KIF6: variants seen among roughly 807,000 people sequenced by gnomAD.
KIF6 encodes the protein kinesin family member 6.
A neutral mutation model predicts 112.7 loss-of-function variants in KIF6; 106 were observed. The observed-to-expected ratio is 0.94, with a 90% confidence interval of 0.80 to 1.11. The LOEUF (loss-of-function observed/expected upper bound fraction) is 1.11, where lower values mean the gene tolerates loss of function less well. Ranked by LOEUF, KIF6 falls within the 50% of genes least tolerant of loss-of-function variation. The pLI is 0.00. For synonymous variants in KIF6, 339 were observed against 339.9 expected (o/e 1.00, Z 0.03); for missense variants, 929 against 964.0 (o/e 0.96, Z 0.48).
chr6:39,691,132 C>T (rs772892243), intron 3 of KIF6: 1 of 152,084 alleles, frequency 6.6e-6, no homozygotes, highest in Non-Finnish European at 1.5e-5. Context: ...TCTGGCAACC[C>T]TGGTTGGAAC....
intron 19 of KIF6, among the ~76,000 whole-genome samples, chr6:39,346,924 C>T (rs1581635134): frequency 6.6e-6 from 1 of 152,344 alleles, no homozygotes; most frequent in South Asian, 2.1e-4. Context: ...GCTGGGATTA[C>T]AGGCGTGAGC....
chr6:39,549,103 C>A (rs2150575610), intron 10 of KIF6, among the ~76,000 whole-genome samples: 1 of 152,264 alleles, frequency 6.6e-6, no homozygotes, highest in South Asian at 2.1e-4. Flanking sequence ...CCTGGTTCAG[C>A]AACTCCATCA....
Position 39,431,046 on chromosome 6 carries a change from G to A in KIF6, c.1754+7C>T. Reference sequence around the variant, plus strand: ...GGAGGACCAGCTGCTCTCTGAGACAGCCTTACCTCTGTTTCAGAATCTGTT... The same window carrying A: ...GGAGGACCAGCTGCTCTCTGAGACAACCTTACCTCTGTTTCAGAATCTGTT... On this transcript the variant is annotated splice_region_variant and intron_variant, in intron 14 of 22. Transcript: ENST00000287152. 3 of 1,588,636 alleles carry A rather than the reference G, an allele frequency of 1.9e-6. No homozygotes were observed. The highest frequency in any genetic ancestry group is 2.6e-6 in the Non-Finnish European group (3 of 1,157,596).
intron 9 of KIF6, among the ~76,000 whole-genome samples, chr6:39,581,375 C>T (rs1258390636): frequency 2.0e-5 from 3 of 151,792 alleles, no homozygotes; most frequent in African/African-American, 4.8e-5. Context: ...ACCATGTTGG[C>T]CATGCACCTG....
intron 10 of KIF6, among the ~76,000 whole-genome samples, chr6:39,562,652 A>G (rs10484824): frequency 0.13 from 19,512 of 152,254 alleles, 1,356 homozygotes; most frequent in Middle Eastern, 0.23. Context: ...CTGACTATGC[A>G]TCTAGTTAGC....
At chr6:39,584,440 A>C (rs754914350) in intron 9 of KIF6, among the ~76,000 whole-genome samples, 10,420 of 137,034 alleles carry the variant, frequency 0.076, 1,289 homozygotes, top group East Asian at 0.29. Flanking sequence ...AAAAAAAAAA[A>C]AAAAAAAAAA....
chr6:39,430,147 G>A (rs565905857), intron 14 of KIF6, among the ~76,000 whole-genome samples: 34 of 151,784 alleles, frequency 2.2e-4, no homozygotes, highest in Non-Finnish European at 4.1e-4. Context: ...CTCCTGGTTC[G>A]CCCCCTCTTC....
chr6:39,514,116 C>T (rs1165501906), intron 13 of KIF6, among the ~76,000 whole-genome samples: 9 of 151,984 alleles, frequency 5.9e-5, no homozygotes, highest in African/African-American at 2.2e-4. Flanking sequence ...ACATAAGAAC[C>T]CCAATTTCAT....
intron 16 of KIF6, among the ~76,000 whole-genome samples, chr6:39,383,258 G>C (rs976906561): frequency 6.6e-6 from 1 of 152,132 alleles, no homozygotes; most frequent in South Asian, 2.1e-4. Flanking sequence ...GTCTAGAAAA[G>C]TATATCCTAG....
chr6:39,593,083 C>T lies in KIF6; in HGVS notation c.846+2971G>A, dbSNP rs114991018. On this transcript the variant is annotated intron_variant, in intron 7 of 22. Transcript: ENST00000287152. ...ATATTGCTAAGTATTTATTTGTATGCTTTGCTGTTCTGCTGGCTAACATGA... is the reference window on the plus strand; with the variant it reads ...ATATTGCTAAGTATTTATTTGTATGTTTTGCTGTTCTGCTGGCTAACATGA... 9.4e-3 allele frequency among the ~76,000 whole-genome samples: 1,426 copies of T among 152,252 alleles called. 6 individuals are homozygous for T. The highest frequency in any genetic ancestry group is 0.014 in the Non-Finnish European group (958 of 68,016).
chr6:39,717,641 C>T (rs1181985198), intron 2 of KIF6, among the ~76,000 whole-genome samples: 4 of 152,118 alleles, frequency 2.6e-5, no homozygotes, highest in African/African-American at 9.7e-5. Flanking sequence ...TATCTCCTCC[C>T]ACTAAAATGT....
rs545241969 is a variant in KIF6 at position 39,346,649 on chromosome 6, T to C, written c.2181-123A>G. 7.5e-6 allele frequency: 4 copies of C among 536,104 alleles called. No individual in the cohort carries two copies. The East Asian group carries it at 1.2e-4, about 16-fold the overall frequency. 33.2% of individuals were successfully genotyped at this position (536,104 alleles called of 1,614,324 possible). ...TGGATGGTTTACACAGTAATTTTCTTTTTTTCTTTTTTTTTGAGATGGAGT... is the reference window on the plus strand; with the variant it reads ...TGGATGGTTTACACAGTAATTTTCTCTTTTTCTTTTTTTTTGAGATGGAGT... On this transcript the variant is annotated intron_variant, in intron 19 of 22. Coordinates refer to ENST00000287152, the MANE Select transcript of KIF6 (RefSeq NM_145027.6).
At chr6:39,723,584 G>A (rs1447181095) in intron 1 of KIF6, among the ~76,000 whole-genome samples, 2 of 152,204 alleles carry the variant, frequency 1.3e-5, no homozygotes, top group East Asian at 3.8e-4. Flanking sequence ...ATGAGTTCAT[G>A]TCGTTTGCAG....
intron 13 of KIF6, among the ~76,000 whole-genome samples, chr6:39,536,014 A>G (rs1778400923): frequency 6.6e-6 from 1 of 151,854 alleles, no homozygotes; most frequent in South Asian, 2.1e-4. Context: ...TTTGAAACCA[A>G]CAGGAACAAA....
Position 39,468,175 on chromosome 6 carries a change from G to GA in KIF6, c.1646-37015dup, listed in dbSNP as rs372941602. On this transcript the variant is annotated intron_variant, in intron 13 of 22. Transcript: ENST00000287152. ...GAGATTACATACTCTGAAGAGCAAA[G>GA]AAAAAAAAAAGAATAAAGCAAACAA... Among the ~76,000 whole-genome samples the GA allele has an allele frequency of 9.6e-3, 1,374 of 142,896 alleles. 26 individuals are homozygous for GA. The highest frequency in any genetic ancestry group is 0.031 in the African/African-American group (1,222 of 39,002). The allele number at this position is 142,896 out of a possible 152,430, so 93.7% of individuals were successfully genotyped here. A position where few individuals can be genotyped will look rare whatever the true frequency, so the allele number is the denominator to read the frequency against.
chr6:39,644,481 C>A (rs1227951577), intron 3 of KIF6, among the ~76,000 whole-genome samples: 1 of 151,848 alleles, frequency 6.6e-6, no homozygotes, highest in East Asian at 1.9e-4. Context: ...TATTATTTGG[C>A]AAGGAGAAGG....
chr6:39,584,821 C>A, intron 9 of KIF6, 77 bp downstream of exon 9: 1 of 844,742 alleles, frequency 1.2e-6, no homozygotes, highest in Non-Finnish European at 2.0e-6. Flanking sequence ...CAGTACAGAG[C>A]AAGTGCACCT....
At chr6:39,466,991 T>G (rs1250157754) in intron 13 of KIF6, among the ~76,000 whole-genome samples, 1 of 152,230 alleles carries the variant, frequency 6.6e-6, no homozygotes, top group Non-Finnish European at 1.5e-5. Context: ...AGCAGACCAC[T>G]GTCCCCACTG....
intron 3 of KIF6, among the ~76,000 whole-genome samples, chr6:39,694,779 A>T (rs545673956): frequency 6.6e-6 from 1 of 152,326 alleles, no homozygotes; most frequent in East Asian, 1.9e-4. Context: ...TTCCTATCAA[A>T]TTACCAACAT....
Sources: gnomAD v4.1 joint callset for allele counts (sites outside exome capture counted in the v4.1 genomes callset) on GRCh38, gnomAD v4.1.1 for gene constraint, MANE v1.5 for transcripts, NCBI Gene and HGNC (gene_info 2026-07-23, HGNC 2026-07-21) for gene names.